The following MGAT4C variants were observed in gnomAD, a reference collection of about 807,000 sequenced individuals.
MGAT4C encodes alpha-1,3-mannosyl-glycoprotein 4-beta-N-acetylglucosaminyltransferase C.
MGAT4C carries 19 observed loss-of-function variants against 40.1 expected under a neutral mutation model. That is an observed-to-expected ratio of 0.47 (90% CI 0.33 to 0.70). MGAT4C has a LOEUF of 0.70. Among genes scored for constraint, MGAT4C ranks in the 30% least tolerant of loss-of-function variants. MGAT4C has a pLI of 0.02. For missense variants in MGAT4C, 491 were observed against 563.2 expected (o/e 0.87, Z 1.30); for synonymous variants, 181 against 187.1 (o/e 0.97, Z 0.27).
intron 1 of MGAT4C, among the ~76,000 whole-genome samples, chr12:86,199,096 T>C (rs1397058329): frequency 6.6e-6 from 1 of 152,198 alleles, no homozygotes; most frequent in Non-Finnish European, 1.5e-5. Context: ...GATTAAAACA[T>C]CTTGATAGAC....
chr12:86,837,882 G>C (rs772880133), intron 1 of MGAT4C, among the ~76,000 whole-genome samples: 3 of 152,036 alleles, frequency 2.0e-5, no homozygotes, highest in Non-Finnish European at 4.4e-5. Flanking sequence ...AAGTATAATG[G>C]GATAAATTTC....
chr12:86,238,122 T>C (rs1951630920), intron 1 of MGAT4C, among the ~76,000 whole-genome samples: 1 of 151,754 alleles, frequency 6.6e-6, no homozygotes, highest in Non-Finnish European at 1.5e-5. Flanking sequence ...AATTAGGAAG[T>C]CAAAAAAAAT....
intron 4 of MGAT4C, among the ~76,000 whole-genome samples, chr12:86,294,955 A>G (rs1459597213): frequency 6.6e-6 from 1 of 152,086 alleles, no homozygotes; most frequent in Non-Finnish European, 1.5e-5. Context: ...CACTTTAACA[A>G]TATTTGTCAC....
chr12:86,715,877 TC>T (rs1950638436), intron 2 of MGAT4C, among the ~76,000 whole-genome samples: 1 of 152,162 alleles, frequency 6.6e-6, no homozygotes, highest in Non-Finnish European at 1.5e-5. Context: ...AAATGTACTT[TC>T]AAATCAAGTA....
intron 1 of MGAT4C, among the ~76,000 whole-genome samples, chr12:86,168,567 A>G (rs1886439150): frequency 6.6e-6 from 1 of 152,166 alleles, no homozygotes; most frequent in Admixed American, 6.6e-5. Context: ...GACTGAAAGA[A>G]ATTAAAATAG....
chr12:86,072,484 A>G (rs1167089740), intron 1 of MGAT4C, among the ~76,000 whole-genome samples: 1 of 152,168 alleles, frequency 6.6e-6, no homozygotes, highest in Non-Finnish European at 1.5e-5. Flanking sequence ...ATACATCTGT[A>G]TGTATATTTA....
At chr12:86,771,113 T>G (rs1265132300) in intron 1 of MGAT4C, among the ~76,000 whole-genome samples, 1 of 152,108 alleles carries the variant, frequency 6.6e-6, no homozygotes, top group Non-Finnish European at 1.5e-5. Flanking sequence ...GACATGGAGA[T>G]AAGACAGCCA....
chr12:86,246,342 A>G (rs1444759763), intron 1 of MGAT4C, among the ~76,000 whole-genome samples: 1 of 151,820 alleles, frequency 6.6e-6, no homozygotes, highest in African/African-American at 2.4e-5. Context: ...CCCGTCAACC[A>G]TTGCTTCTTA....
At chr12:86,167,232 G>T (rs1236920314) in intron 1 of MGAT4C, among the ~76,000 whole-genome samples, 1 of 152,082 alleles carries the variant, frequency 6.6e-6, no homozygotes, top group Non-Finnish European at 1.5e-5. Flanking sequence ...GTTTACAAAT[G>T]AGACAATAAC....
chr12:86,470,313 C>G (rs562736562), intron 2 of MGAT4C, among the ~76,000 whole-genome samples: 61 of 152,246 alleles, frequency 4.0e-4, no homozygotes, highest in African/African-American at 1.4e-3. Flanking sequence ...CCCTTTGGTT[C>G]TCTCTCTTCC....
intron 1 of MGAT4C, among the ~76,000 whole-genome samples, chr12:86,783,476 A>G (rs1951879857): frequency 6.7e-6 from 1 of 150,080 alleles, no homozygotes; most frequent in Non-Finnish European, 1.5e-5. Context: ...CCTTCAAGAA[A>G]ATGACCACAA....
chr12:86,533,573 T>G (rs568498749), intron 2 of MGAT4C, among the ~76,000 whole-genome samples: 96 of 151,996 alleles, frequency 6.3e-4, no homozygotes, highest in African/African-American at 2.3e-3. Flanking sequence ...TGTGCGTGTA[T>G]GTATATACAT....
At chr12:86,055,304 T>G (rs1027677166) in intron 1 of MGAT4C, among the ~76,000 whole-genome samples, 2 of 152,050 alleles carry the variant, frequency 1.3e-5, no homozygotes, top group African/African-American at 4.8e-5. Context: ...TTTCTGGGCT[T>G]CAGGGAGTTA....
chr12:86,448,160 G>A (rs1957370535), intron 2 of MGAT4C, among the ~76,000 whole-genome samples: 1 of 152,126 alleles, frequency 6.6e-6, no homozygotes, highest in African/African-American at 2.4e-5. Context: ...ATGAGACATG[G>A]TTCACACAGT....
intron 2 of MGAT4C, among the ~76,000 whole-genome samples, chr12:86,703,367 C>G (rs1026070594): frequency 1.3e-5 from 2 of 151,766 alleles, no homozygotes; most frequent in Non-Finnish European, 2.9e-5. Flanking sequence ...ATAGAGAAAT[C>G]TGTTGTAAAA....
intron 2 of MGAT4C, among the ~76,000 whole-genome samples, chr12:86,598,744 A>G (rs1438372799): frequency 2.6e-5 from 4 of 152,176 alleles, no homozygotes; most frequent in African/African-American, 9.6e-5. Context: ...TACTTGTATT[A>G]TTCACGATAC....
At chr12:85,987,371 TC>T (rs941576005) in intron 3 of MGAT4C, among the ~76,000 whole-genome samples, 4 of 151,904 alleles carry the variant, frequency 2.6e-5, no homozygotes, top group African/African-American at 9.6e-5. Flanking sequence ...TCTCCTGACC[TC>T]GTGATCCGCC....
chr12:86,770,844 T>C (rs527822003), intron 1 of MGAT4C, among the ~76,000 whole-genome samples: 14 of 152,188 alleles, frequency 9.2e-5, no homozygotes, highest in Non-Finnish European at 1.8e-4. Context: ...TAGAAATCTT[T>C]AGTTATAAGA....
intron 3 of MGAT4C, among the ~76,000 whole-genome samples, chr12:86,432,989 TA>T (rs1957069804): frequency 6.6e-6 from 1 of 151,994 alleles, no homozygotes; most frequent in Admixed American, 6.6e-5. Flanking sequence ...GATATCTTCA[TA>T]TAAAGCAGCC....
Sources: allele counts gnomAD v4.1 joint callset (sites outside exome capture counted in the v4.1 genomes callset), GRCh38; gene constraint gnomAD v4.1.1; transcripts MANE v1.5; gene names NCBI Gene and HGNC (gene_info 2026-07-23, HGNC 2026-07-21).